The following EPHA6 variants were observed in gnomAD, a reference collection of about 807,000 sequenced individuals.
The protein encoded by EPHA6 is ephrin type-A receptor 6.
A neutral mutation model predicts 112.0 loss-of-function variants in EPHA6; 50 were observed. That is an observed-to-expected ratio of 0.45 (90% CI 0.36 to 0.56). EPHA6 has a LOEUF of 0.56. EPHA6 is among the 20% of genes least tolerant of loss of function. The pLI, the probability that EPHA6 is intolerant of heterozygous loss-of-function variation, is 0.00. For synonymous variants in EPHA6, 529 were observed against 490.7 expected, an observed-to-expected ratio of 1.08 and a Z score of -1.03; for missense variants, 1,280 against 1,417.4, an observed-to-expected ratio of 0.90 and a Z score of 1.56.
intron 3 of EPHA6, among the ~76,000 whole-genome samples, chr3:97,092,072 T>G (rs1455981017): frequency 6.6e-6 from 1 of 151,502 alleles, no homozygotes; most frequent in Non-Finnish European, 1.5e-5. Flanking sequence ...AAATGCTATA[T>G]TTTGGTTAAC....
intron 2 of EPHA6, among the ~76,000 whole-genome samples, chr3:96,931,274 A>G (rs1576074510): frequency 6.6e-6 from 1 of 152,306 alleles, no homozygotes; most frequent in East Asian, 1.9e-4. Flanking sequence ...GGAATGGATC[A>G]GGGTCCTGCT....
chr3:97,760,405 T>G lies in EPHA6; in HGVS notation c.*11704T>G, dbSNP rs1255413181. On this transcript the variant is annotated 3_prime_UTR_variant, in exon 18 of 18. Coordinates refer to ENST00000389672, the MANE Select transcript of EPHA6 (RefSeq NM_001080448.3). ...ATATACATATGTATGTGTGTATGTG[T>G]GTATATATATCTCTCTAGGTTGTAT... is the stretch of plus-strand genomic sequence containing the variant. 1 of 165,506 alleles carries G rather than the reference T, an allele frequency of 6.0e-6. No individual in the cohort carries two copies. The highest frequency in any genetic ancestry group is 1.3e-5 in the Non-Finnish European group (1 of 76,664). 10.3% of individuals were successfully genotyped at this position (165,506 alleles called of 1,614,324 possible).
intron 6 of EPHA6, among the ~76,000 whole-genome samples, chr3:97,440,754 G>T (rs2107276379): frequency 6.6e-6 from 1 of 151,604 alleles, no homozygotes; most frequent in African/African-American, 2.4e-5. Flanking sequence ...AAAAATTAAT[G>T]AAATAGAATC....
intron 10 of EPHA6, among the ~76,000 whole-genome samples, chr3:97,499,123 G>A (rs1299097955): frequency 6.6e-6 from 1 of 152,140 alleles, no homozygotes; most frequent in African/African-American, 2.4e-5. Context: ...AAAAGCACAA[G>A]GATGCCATGC....
intron 1 of EPHA6, among the ~76,000 whole-genome samples, chr3:96,854,548 C>T (rs1245277776): frequency 6.6e-6 from 1 of 151,952 alleles, no homozygotes; most frequent in African/African-American, 2.4e-5. Flanking sequence ...GAAGGCAAAG[C>T]CTATGTTTAT....
intron 3 of EPHA6, among the ~76,000 whole-genome samples, chr3:97,215,856 C>T (rs1241371064): frequency 6.6e-6 from 1 of 152,024 alleles, no homozygotes; most frequent in East Asian, 1.9e-4. Context: ...ATACTTCCTC[C>T]AATTATATGA....
intron 5 of EPHA6, among the ~76,000 whole-genome samples, chr3:97,377,174 T>C (rs1287815791): frequency 6.6e-6 from 1 of 152,188 alleles, no homozygotes; most frequent in Non-Finnish European, 1.5e-5. Context: ...AATTCCCACG[T>C]GTTGTGGGAG....
Position 97,691,660 on chromosome 3 carries a change from G to A in EPHA6, c.2785-28601G>A, listed in dbSNP as rs772304934. Reference sequence around the variant, plus strand: ...TCATAAAATTCTTGCTTAAGGAAAAGTATATTTTTGAATTTCATACTCTAA... The same window carrying A: ...TCATAAAATTCTTGCTTAAGGAAAAATATATTTTTGAATTTCATACTCTAA... On this transcript the variant is annotated intron_variant, in intron 14 of 17. Coordinates refer to ENST00000389672, the MANE Select transcript of EPHA6 (RefSeq NM_001080448.3). 1.4e-4 allele frequency among the ~76,000 whole-genome samples: 21 copies of A among 152,090 alleles called. 1 individual carries two copies. The highest frequency in any genetic ancestry group is 4.8e-4 in the African/African-American group (20 of 41,408).
chr3:97,243,089 G>T (rs2078894548), intron 4 of EPHA6, among the ~76,000 whole-genome samples: 1 of 151,782 alleles, frequency 6.6e-6, no homozygotes, highest in Non-Finnish European at 1.5e-5. Context: ...GTAATTAGCG[G>T]CTATCAAGCA....
At chr3:97,689,957 A>G (rs368552970) in intron 14 of EPHA6, among the ~76,000 whole-genome samples, 6 of 152,242 alleles carry the variant, frequency 3.9e-5, no homozygotes, top group African/African-American at 1.4e-4. Flanking sequence ...AGCATGTATC[A>G]ATACTTCATT....
intron 5 of EPHA6, among the ~76,000 whole-genome samples, chr3:97,389,899 A>T (rs1171101293): frequency 6.6e-6 from 1 of 152,168 alleles, no homozygotes; most frequent in African/African-American, 2.4e-5. Context: ...CTACTGTGAG[A>T]ACATGAAGTT....
At chr3:96,909,476 T>C (rs1243412678) in intron 2 of EPHA6, among the ~76,000 whole-genome samples, 1 of 151,952 alleles carries the variant, frequency 6.6e-6, no homozygotes, top group South Asian at 2.1e-4. Flanking sequence ...GGAATGACAA[T>C]ATGCATGTAT....
intron 5 of EPHA6, among the ~76,000 whole-genome samples, chr3:97,304,691 T>C (rs776373936): frequency 2.6e-5 from 4 of 152,060 alleles, no homozygotes; most frequent in Admixed American, 6.6e-5. Flanking sequence ...TGCCTATCGA[T>C]ATGCACAAAA....
At chr3:97,500,025 C>T (rs975941041) in intron 10 of EPHA6, among the ~76,000 whole-genome samples, 1 of 152,126 alleles carries the variant, frequency 6.6e-6, no homozygotes, top group African/African-American at 2.4e-5. Context: ...CATTGTACAG[C>T]TGTATAAAAG....
chr3:97,286,800 A>C (rs1475997970), intron 5 of EPHA6, among the ~76,000 whole-genome samples: 2 of 151,722 alleles, frequency 1.3e-5, no homozygotes, highest in African/African-American at 4.8e-5. Flanking sequence ...ATTTTATAGC[A>C]ATTGAATTGA....
rs762384162 is a variant in EPHA6, at chr3:97,754,252, C to A, written c.*5551C>A. Among the ~76,000 whole-genome samples, 9 of 151,898 alleles carry A rather than the reference C, an allele frequency of 5.9e-5. No individual in the cohort carries two copies. The highest frequency in any genetic ancestry group is 9.7e-5 in the African/African-American group (4 of 41,356). On this transcript the variant is annotated 3_prime_UTR_variant, in exon 18 of 18. Transcript: ENST00000389672. ...TACAGGCATGCGCCACCACGCCCAG[C>A]TAATTTTGTATTTTTAGTAGAGACG...
intron 3 of EPHA6, among the ~76,000 whole-genome samples, chr3:97,107,837 C>A (rs1477661329): frequency 6.6e-6 from 1 of 152,058 alleles, no homozygotes; most frequent in Non-Finnish European, 1.5e-5. Context: ...CATTGTTTTT[C>A]TGCATTTTAT....
intron 3 of EPHA6, among the ~76,000 whole-genome samples, chr3:97,028,347 C>T (rs372041538): frequency 6.0e-4 from 91 of 152,052 alleles, no homozygotes; most frequent in African/African-American, 2.1e-3. Context: ...TTAAATGAGA[C>T]AATATAGATT....
At chr3:97,551,122 A>G (rs1261111062) in intron 11 of EPHA6, among the ~76,000 whole-genome samples, 1 of 152,146 alleles carries the variant, frequency 6.6e-6, no homozygotes, top group Non-Finnish European at 1.5e-5. Flanking sequence ...TTAACTCTCT[A>G]TATTATAATT....
Sources: allele counts gnomAD v4.1 joint callset (sites outside exome capture counted in the v4.1 genomes callset), GRCh38; gene constraint gnomAD v4.1.1; transcripts MANE v1.5; gene names NCBI Gene and HGNC (gene_info 2026-07-23, HGNC 2026-07-21).